NTNG1: variants seen among roughly 807,000 people sequenced by gnomAD.
NTNG1 encodes netrin G1.
A neutral mutation model predicts 54.0 loss-of-function variants in NTNG1; 16 were observed. The ratio of observed to expected loss-of-function variants is 0.30; its 90% CI spans 0.20 to 0.45. NTNG1 has a LOEUF of 0.45. Ranked by LOEUF, NTNG1 falls within the 20% of genes least tolerant of loss-of-function variation. The pLI, the probability that NTNG1 is intolerant of heterozygous loss-of-function variation, is 1.00. For missense variants in NTNG1, 530 were observed against 678.7 expected (o/e 0.78, Z 2.43); for synonymous variants, 255 against 263.1 (o/e 0.97, Z 0.30).
At chr1:107,415,919 A>ATT (rs1316490241) in intron 5 of NTNG1, among the ~76,000 whole-genome samples, 4 of 152,174 alleles carry the variant, frequency 2.6e-5, no homozygotes, top group Admixed American at 2.6e-4. Context: ...TTTGTCGAGC[A>ATT]TTTACTACAT....
At chr1:107,202,411 G>A (rs1658824595) in intron 2 of NTNG1, among the ~76,000 whole-genome samples, 3 of 151,872 alleles carry the variant, frequency 2.0e-5, no homozygotes, top group African/African-American at 7.2e-5. Context: ...TTTAAATGGT[G>A]CATAGCATTT....
In NTNG1 at chr1:107,467,111, C is replaced by T. The variant is rs188284692; in HGVS notation, c.1391-13500C>T. The stretch of plus-strand genomic sequence containing the variant: ...TGTTACTCATGAGCTTGTCTAAAGT[C>T]ACTGTCTTTACCTAAACTTTTTTTT... On this transcript the variant is annotated intron_variant, in intron 7 of 7. Transcript: ENST00000370068. 2.0e-5 allele frequency among the ~76,000 whole-genome samples: 3 copies of T among 152,154 alleles called. No individual in the cohort carries two copies. In the East Asian group the frequency reaches 5.8e-4, roughly 29 times the overall value.
intron 7 of NTNG1, 37 bp from the exon 8 acceptor site, chr1:107,480,574 G>GCCCC: frequency 9.3e-6 from 3 of 324,102 alleles, no homozygotes; most frequent in East Asian, 5.1e-5. Context: ...TCTCCTCCCC[G>GCCCC]CGCCCACCCA....
chr1:107,457,450 T>G (rs1677019013), intron 7 of NTNG1, among the ~76,000 whole-genome samples: 1 of 152,188 alleles, frequency 6.6e-6, no homozygotes, highest in African/African-American at 2.4e-5. Flanking sequence ...TCCAACACAG[T>G]TATGTTGATT....
chr1:107,257,933 G>A (rs1413867769), intron 2 of NTNG1, among the ~76,000 whole-genome samples: 2 of 152,134 alleles, frequency 1.3e-5, no homozygotes, highest in African/African-American at 4.8e-5. Flanking sequence ...AGGAGCCTCA[G>A]GCCTAGGGTA....
At chr1:107,222,391 T>C (rs1389080362) in intron 2 of NTNG1, among the ~76,000 whole-genome samples, 2 of 152,164 alleles carry the variant, frequency 1.3e-5, no homozygotes, top group East Asian at 3.9e-4. Flanking sequence ...GATGAGTTAC[T>C]TGATGTAGCT....
At chr1:107,307,893 T>C (rs1666780162) in intron 2 of NTNG1, among the ~76,000 whole-genome samples, 2 of 152,208 alleles carry the variant, frequency 1.3e-5, no homozygotes, top group South Asian at 4.1e-4. Flanking sequence ...GAGGGTAACA[T>C]ACATTGTTCC....
intron 3 of NTNG1, among the ~76,000 whole-genome samples, chr1:107,372,304 T>C (rs1670967403): frequency 6.6e-6 from 1 of 152,036 alleles, no homozygotes; most frequent in Non-Finnish European, 1.5e-5. Flanking sequence ...TGTAATAATA[T>C]TGGAATTTAG....
At chr1:107,189,122 T>C (rs1459791602) in intron 2 of NTNG1, among the ~76,000 whole-genome samples, 1 of 151,850 alleles carries the variant, frequency 6.6e-6, no homozygotes, top group African/African-American at 2.4e-5. Flanking sequence ...GAGACCGAGG[T>C]GGGTGTATCC....
intron 2 of NTNG1, among the ~76,000 whole-genome samples, chr1:107,263,272 GCTTCCTTCCTTC>G (rs58443542): frequency 0.13 from 19,512 of 146,150 alleles, 1,568 homozygotes; most frequent in Non-Finnish European, 0.17. Context: ...AGGTTAGCTT[GCTTCCTTCCTTC>G]CTTCCTTCCT....
upstream of NTNG1, chr1:107,140,737 G>A (rs1653592349): frequency 2.4e-5 from 3 of 124,816 alleles, no homozygotes; most frequent in South Asian, 7.6e-4. Flanking sequence ...CCGGGAACCA[G>A]AAAATCGTCC....
chr1:107,205,685 T>C (rs954644678), intron 2 of NTNG1, among the ~76,000 whole-genome samples: 1 of 151,986 alleles, frequency 6.6e-6, no homozygotes, highest in African/African-American at 2.4e-5. Flanking sequence ...ATCCTAAGTA[T>C]ACAGAACAAT....
chr1:107,144,057 G>A (rs1368473074), intron 1 of NTNG1, among the ~76,000 whole-genome samples: 1 of 152,044 alleles, frequency 6.6e-6, no homozygotes, highest in Admixed American at 6.6e-5. Context: ...TATTTTGAGA[G>A]ACAGTTAACA....
chr1:107,397,139 T>C (rs1398964731), intron 4 of NTNG1, among the ~76,000 whole-genome samples: 1 of 152,200 alleles, frequency 6.6e-6, no homozygotes, highest in Non-Finnish European at 1.5e-5. Context: ...CTTTCAGTTT[T>C]CCTTGTAGGT....
chr1:107,346,223 T>C (rs1181623085), intron 3 of NTNG1, among the ~76,000 whole-genome samples: 2 of 152,184 alleles, frequency 1.3e-5, no homozygotes, highest in Admixed American at 6.5e-5. Flanking sequence ...TGGAAGAAGA[T>C]TGATCCCTGA....
intron 2 of NTNG1, among the ~76,000 whole-genome samples, chr1:107,283,044 C>G (rs1664965540): frequency 6.6e-6 from 1 of 152,076 alleles, no homozygotes; most frequent in Non-Finnish European, 1.5e-5. Context: ...CTGATCACCT[C>G]TCAAAGGCCC....
At chr1:107,153,433 A>T (rs562435022) in intron 2 of NTNG1, among the ~76,000 whole-genome samples, 102 of 152,328 alleles carry the variant, frequency 6.7e-4, no homozygotes, top group African/African-American at 2.4e-3. Flanking sequence ...TAATTCAGTA[A>T]ATGAATGAAG....
intron 1 of NTNG1, among the ~76,000 whole-genome samples, chr1:107,142,894 C>A (rs1477253531): frequency 6.6e-6 from 1 of 151,980 alleles, no homozygotes; most frequent in African/African-American, 2.4e-5. Flanking sequence ...ATGCCTTACC[C>A]GCCTCCCTTT....
chr1:107,360,030 G>C (rs1315404320), intron 3 of NTNG1, among the ~76,000 whole-genome samples: 3 of 151,970 alleles, frequency 2.0e-5, no homozygotes, highest in Non-Finnish European at 4.4e-5. Flanking sequence ...AGCCTAAACT[G>C]TTCACACATG....
Sources: allele counts gnomAD v4.1 joint callset (sites outside exome capture counted in the v4.1 genomes callset), GRCh38; gene constraint gnomAD v4.1.1; transcripts MANE v1.5; gene names NCBI Gene and HGNC (gene_info 2026-07-23, HGNC 2026-07-21).